Variants in BCL9 observed in about 807,000 individuals in gnomAD.
The protein encoded by BCL9 is B-cell CLL/lymphoma 9 protein.
A neutral mutation model predicts 88.5 loss-of-function variants in BCL9; 25 were observed. The observed-to-expected ratio is 0.28, with a 90% CI of 0.21 to 0.39. BCL9 has a LOEUF of 0.39. Ranked by LOEUF, BCL9 falls within the 10% of genes least tolerant of loss-of-function variation. The pLI, the probability that BCL9 is intolerant of heterozygous loss-of-function variation, is 1.00. For synonymous variants in BCL9, 711 were observed against 673.3 expected, an observed-to-expected ratio of 1.06 and a Z score of -0.87; for missense variants, 1,817 against 1,877.8, an observed-to-expected ratio of 0.97 and a Z score of 0.60.
intron 1 of BCL9, among the ~76,000 whole-genome samples, chr1:147,588,416 C>CA (rs1178301115): frequency 1.3e-5 from 2 of 148,936 alleles, no homozygotes; most frequent in East Asian, 2.1e-4. Flanking sequence ...CTTTATTTAA[C>CA]AAAAAACGAC....
At chr1:147,555,106 A>C (rs776269999) in intron 1 of BCL9, among the ~76,000 whole-genome samples, 15 of 152,186 alleles carry the variant, frequency 9.9e-5, no homozygotes, top group Non-Finnish European at 1.9e-4. Flanking sequence ...TCTTCACAGC[A>C]GCCCCTTGAG....
intron 1 of BCL9, among the ~76,000 whole-genome samples, chr1:147,599,589 C>A (rs978897141): frequency 1.3e-5 from 2 of 152,084 alleles, no homozygotes; most frequent in African/African-American, 4.8e-5. Flanking sequence ...GAGACCCTCC[C>A]GTGCCGAACC....
chr1:147,616,442 A>T (rs1474456536), intron 7 of BCL9, among the ~76,000 whole-genome samples: 3 of 152,164 alleles, frequency 2.0e-5, no homozygotes, highest in Admixed American at 2.0e-4. Context: ...TTCTATCTGG[A>T]TCTTAAGCAC....
chr1:147,620,249 C>T lies in BCL9; in HGVS notation c.2094C>T (p.Pro698=). The change falls in exon 8 of 10, where the codon CCC becomes CCT. Residue 698 remains proline, a synonymous_variant. Coordinates refer to ENST00000234739, the MANE Select transcript of BCL9 (RefSeq NM_004326.4). ...GGGGTGACTTTCCAAAAGGAATTCC[C>T]CCACAGATGGGCCCTGGTCGGGAAC... is the stretch of plus-strand genomic sequence containing the variant. ...PSRGDFPKGI[P]PQMGPGRELE... is the part of the protein sequence containing the mutation. The T allele has an allele frequency of 6.2e-7, 1 of 1,614,142 alleles. No homozygotes were observed. The highest frequency in any genetic ancestry group is 8.5e-7 in the Non-Finnish European group (1 of 1,179,994).
intron 1 of BCL9, among the ~76,000 whole-genome samples, chr1:147,544,614 A>G (rs587768236): frequency 1.9e-3 from 282 of 152,252 alleles, no homozygotes; most frequent in Non-Finnish European, 3.3e-3. Context: ...GCTGGTACTA[A>G]ACACTCAGCT....
At chr1:147,585,768 C>A (rs896745374) in intron 1 of BCL9, among the ~76,000 whole-genome samples, 6 of 152,058 alleles carry the variant, frequency 3.9e-5, no homozygotes, top group African/African-American at 1.5e-4. Flanking sequence ...GTGCTTTAAG[C>A]GTTTTTATGT....
At position 147,619,622 on chromosome 1, in the gene BCL9, AGTG is replaced by A; in HGVS notation, c.1470_1472del (p.Val492del). ...AAGAGAAGAGGAGGAAGCAGGAACA[AGTG>A]GTTGTCCAGCAGTGTTCCCTCCAGG... On this transcript the variant is annotated inframe_deletion, in exon 8 of 10. Coordinates refer to ENST00000234739, the MANE Select transcript of BCL9 (RefSeq NM_004326.4). This position sits in a 1 kb window ranked among gnomAD's most constrained non-coding sequence, Gnocchi z 4.1. 1 of 1,614,056 alleles carries A rather than the reference AGTG, an allele frequency of 6.2e-7. No homozygotes were observed. The highest frequency in any genetic ancestry group is 8.5e-7 in the Non-Finnish European group (1 of 1,180,010).
chr1:147,614,482 G>C lies in BCL9; in HGVS notation c.426G>C (p.Ser142=). 1 of 1,613,928 alleles carries C rather than the reference G, an allele frequency of 6.2e-7. No homozygotes were observed. The highest frequency in any genetic ancestry group is 1.3e-5 in the African/African-American group (1 of 74,984). Residue 142 remains serine, a synonymous_variant, in exon 6 of 10, where the codon TCG becomes TCC. Coordinates refer to ENST00000234739, the MANE Select transcript of BCL9 (RefSeq NM_004326.4). ...KSQDSQHTPH[S]MTPSNATAPR... The stretch of plus-strand genomic sequence containing the variant: ...AGGATTCCCAGCACACACCACACTC[G>C]ATGACCCCATCAAATGCTACAGCCC...
chr1:147,556,843 G>A (rs1214591723), intron 1 of BCL9, among the ~76,000 whole-genome samples: 13 of 152,174 alleles, frequency 8.5e-5, no homozygotes, highest in African/African-American at 2.9e-4. Context: ...TCTGTTTCAT[G>A]TCTTTGCCAT....
chr1:147,571,249 C>T (rs1553197386), intron 1 of BCL9, among the ~76,000 whole-genome samples: 1 of 151,894 alleles, frequency 6.6e-6, no homozygotes, highest in Non-Finnish European at 1.5e-5. Context: ...TTTTATTATC[C>T]CCATTTTACC....
At chr1:147,573,917 T>TAAAATGTG (rs1261863365) in intron 1 of BCL9, among the ~76,000 whole-genome samples, 1 of 151,948 alleles carries the variant, frequency 6.6e-6, no homozygotes, top group East Asian at 1.9e-4. Context: ...GCAAGACAGA[T>TAAAATGTG]AAAATGTGGA....
chr1:147,572,373 G>A (rs782074289), intron 1 of BCL9, among the ~76,000 whole-genome samples: 5 of 152,224 alleles, frequency 3.3e-5, no homozygotes, highest in Admixed American at 1.3e-4. Flanking sequence ...CATGGAGCAG[G>A]CTTTCTCAGA....
chr1:147,569,331 T>C (rs587724030), intron 1 of BCL9, among the ~76,000 whole-genome samples: 3 of 151,944 alleles, frequency 2.0e-5, no homozygotes, highest in South Asian at 4.2e-4. Flanking sequence ...TGTCTCATGA[T>C]AAGAAATTTA....
intron 6 of BCL9, 66 bp downstream of exon 6, chr1:147,614,682 T>C (rs1384390722): frequency 6.9e-7 from 1 of 1,440,258 alleles, no homozygotes; most frequent in Non-Finnish European, 9.4e-7. Flanking sequence ...CTTATTCCCA[T>C]TGCAGATTGA....
intron 1 of BCL9, among the ~76,000 whole-genome samples, chr1:147,604,127 A>G (rs1657533231): frequency 6.6e-6 from 1 of 152,206 alleles, no homozygotes; most frequent in Non-Finnish European, 1.5e-5. Flanking sequence ...AGAATTGCTA[A>G]TAATACCAGG....
Position 147,611,853 on chromosome 1 carries a change from CT to C in BCL9, c.18del (p.Val8Ter). The C allele has an allele frequency of 6.2e-7, 1 of 1,614,148 alleles. No homozygotes were observed. Among genetic ancestry groups the C allele is most frequent in the Non-Finnish European group, 8.5e-7 (1 of 1,180,010 alleles). MHSSN[P>X]KVRSSPSGNT... ...TTTCAATCAATGCATTCCAGTAACC[CT>C]AAAGTGAGGAGCTCTCCATCAGGAA... is the stretch of plus-strand genomic sequence containing the variant. On this transcript the variant is annotated frameshift_variant, in exon 4 of 10. Transcript: ENST00000234739. LOFTEE classifies it high-confidence loss of function.
At chr1:147,573,114 T>C (rs1161244103) in intron 1 of BCL9, among the ~76,000 whole-genome samples, 5 of 152,166 alleles carry the variant, frequency 3.3e-5, no homozygotes, top group Non-Finnish European at 5.9e-5. Flanking sequence ...GGAGGACTTA[T>C]TAGACACACA....
chr1:147,609,903 A>G (rs1164365646), intron 3 of BCL9, among the ~76,000 whole-genome samples: 3 of 152,258 alleles, frequency 2.0e-5, no homozygotes, highest in African/African-American at 7.2e-5. Context: ...GTGATAAAAT[A>G]TACACCTAGT....
At position 147,568,819 on chromosome 1, in the gene BCL9, G is replaced by A. The variant is rs587727110; in HGVS notation, c.-478+27145G>A. Among the ~76,000 whole-genome samples, 52 of 151,982 alleles carry A rather than the reference G, an allele frequency of 3.4e-4. 1 individual carries two copies. In the Middle Eastern group the frequency reaches 0.01, roughly 30 times the overall value. On this transcript the variant is annotated intron_variant, in intron 1 of 9. Transcript: ENST00000234739. Reference sequence around the variant, plus strand: ...ATTTCTTTAAATGTATCATTATTTCGGTTCTTAGTTTTTTCTCAGGAGTTT... The same window carrying A: ...ATTTCTTTAAATGTATCATTATTTCAGTTCTTAGTTTTTTCTCAGGAGTTT...
Sources: allele counts gnomAD v4.1 joint callset (sites outside exome capture counted in the v4.1 genomes callset), GRCh38; gene constraint gnomAD v4.1.1; non-coding constraint Gnocchi (gnomAD v3.1); transcripts MANE v1.5; gene names NCBI Gene and HGNC (gene_info 2026-07-23, HGNC 2026-07-21).